PCDH7: variants seen among roughly 807,000 people sequenced by gnomAD.
PCDH7 encodes the protein protocadherin 7, also known as protocadherin-7.
Under a neutral mutation model 58.9 loss-of-function variants are expected in PCDH7, and 17 were observed. The ratio of observed to expected loss-of-function variants is 0.29; its 90% CI spans 0.20 to 0.43. PCDH7 has a LOEUF of 0.43. Among genes scored for constraint, PCDH7 ranks in the 20% least tolerant of loss-of-function variants. The probability of loss-of-function intolerance (pLI) is 1.00; values close to 1 mark genes in which losing one functional copy is unlikely to be tolerated. For synonymous variants in PCDH7, 664 were observed against 616.4 expected (o/e 1.08, Z -1.14); for missense variants, 1,274 against 1,441.0 (o/e 0.88, Z 1.88).
At chr4:31,042,516 G>A (rs571629220) in intron 3 of PCDH7, among the ~76,000 whole-genome samples, 6 of 152,122 alleles carry the variant, frequency 3.9e-5, no homozygotes, top group Admixed American at 6.6e-5. Flanking sequence ...TTTATGAATC[G>A]TTTATGCAGA....
At chr4:31,100,164 G>A (rs900607601) in intron 3 of PCDH7, among the ~76,000 whole-genome samples, 2 of 152,026 alleles carry the variant, frequency 1.3e-5, no homozygotes, top group African/African-American at 2.4e-5. Flanking sequence ...CTCAAGAAAG[G>A]TCTCAAAAAG....
intron 3 of PCDH7, among the ~76,000 whole-genome samples, chr4:31,094,083 A>G (rs748880084): frequency 1.3e-5 from 2 of 152,174 alleles, no homozygotes; most frequent in Non-Finnish European, 1.5e-5. Flanking sequence ...AATACTGATC[A>G]TAACACTTGC....
intron 1 of PCDH7, among the ~76,000 whole-genome samples, chr4:30,871,938 A>G (rs1456807696): frequency 1.3e-5 from 2 of 151,914 alleles, no homozygotes; most frequent in Admixed American, 6.6e-5. Context: ...CTCTCTTTGC[A>G]TTTTTGTCCT....
intron 1 of PCDH7, among the ~76,000 whole-genome samples, chr4:30,800,980 G>A (rs1471021240): frequency 2.0e-5 from 3 of 152,190 alleles, no homozygotes; most frequent in Non-Finnish European, 4.4e-5. Flanking sequence ...ATAGAGTGGA[G>A]GGCAGTTTAT....
At chr4:30,814,658 T>A (rs571971951) in intron 1 of PCDH7, among the ~76,000 whole-genome samples, 1 of 152,120 alleles carries the variant, frequency 6.6e-6, no homozygotes, top group South Asian at 2.1e-4. Flanking sequence ...CACTTAATAA[T>A]TGCTACAAAG....
rs572998419 is a variant in PCDH7 at position 30,739,085 on chromosome 4, T to C, written c.70+14489T>C. 8.4e-5 allele frequency among the ~76,000 whole-genome samples: 12 copies of C among 143,020 alleles called. No individual in the cohort carries two copies. The South Asian group carries it at 2.6e-3, about 31-fold the overall frequency. The allele number at this position is 143,020 out of a possible 152,430, so 93.8% of individuals were successfully genotyped here. ...AAAATAAAATAAAAATTTCCCATGA[T>C]AAAATTAATAATGAGCAACCTGGAA... On this transcript the variant is annotated intron_variant, in intron 1 of 3. Coordinates refer to the PCDH7 transcript ENST00000509759.
intron 3 of PCDH7, among the ~76,000 whole-genome samples, chr4:31,032,200 T>C (rs1420481176): frequency 2.0e-5 from 3 of 152,222 alleles, no homozygotes; most frequent in Admixed American, 6.5e-5. Flanking sequence ...AATTATAGGA[T>C]TATATTTGTA....
At chr4:30,753,286 C>G (rs1480877917) in intron 1 of PCDH7, among the ~76,000 whole-genome samples, 1 of 152,128 alleles carries the variant, frequency 6.6e-6, no homozygotes, top group Non-Finnish European at 1.5e-5. Flanking sequence ...GAGAGATAAC[C>G]TTTACTACTT....
intron 1 of PCDH7, among the ~76,000 whole-genome samples, chr4:30,798,011 A>G (rs918414271): frequency 1.3e-5 from 2 of 152,210 alleles, no homozygotes; most frequent in Non-Finnish European, 2.9e-5. Context: ...CTCAGGATCT[A>G]CTATATTGCT....
At chr4:30,961,847 A>T (rs1748465466) in intron 3 of PCDH7, among the ~76,000 whole-genome samples, 1 of 152,200 alleles carries the variant, frequency 6.6e-6, no homozygotes, top group South Asian at 2.1e-4. Flanking sequence ...TGTAGCAAAT[A>T]TGGATAAATT....
chr4:31,127,386 T>C (rs1718434526), intron 3 of PCDH7, among the ~76,000 whole-genome samples: 2 of 152,212 alleles, frequency 1.3e-5, no homozygotes, highest in African/African-American at 4.8e-5. Flanking sequence ...TTTGACATTG[T>C]GACAGATTAA....
At chr4:30,781,435 C>G (rs994607093) in intron 1 of PCDH7, among the ~76,000 whole-genome samples, 1 of 151,482 alleles carries the variant, frequency 6.6e-6, no homozygotes, top group African/African-American at 2.4e-5. Context: ...CCACCGCACC[C>G]GGCCCCAAGG....
At chr4:30,942,126 C>A (rs1252178767) in intron 2 of PCDH7, among the ~76,000 whole-genome samples, 1 of 151,782 alleles carries the variant, frequency 6.6e-6, no homozygotes, top group African/African-American at 2.4e-5. Context: ...AGGACAGGGT[C>A]TTGCATATAG....
chr4:31,052,591 G>T (rs141666377), intron 3 of PCDH7, among the ~76,000 whole-genome samples: 73 of 152,166 alleles, frequency 4.8e-4, no homozygotes, highest in African/African-American at 1.7e-3. Flanking sequence ...AATAAAAATG[G>T]CTCTTTAAGA....
chr4:30,782,622 A>G (rs2109290550), intron 1 of PCDH7, among the ~76,000 whole-genome samples: 1 of 152,376 alleles, frequency 6.6e-6, no homozygotes, highest in African/African-American at 2.4e-5. Flanking sequence ...TAAGTTTTCC[A>G]TGACATGGGA....
chr4:31,090,172 G>A (rs1420411122), intron 3 of PCDH7, among the ~76,000 whole-genome samples: 2 of 151,950 alleles, frequency 1.3e-5, no homozygotes, highest in Non-Finnish European at 2.9e-5. Flanking sequence ...TGCCAAGTAG[G>A]CCTAATGAGA....
At chr4:31,022,261 T>A (rs2109171117) in intron 3 of PCDH7, among the ~76,000 whole-genome samples, 1 of 152,320 alleles carries the variant, frequency 6.6e-6, no homozygotes, top group East Asian at 1.9e-4. Flanking sequence ...CTAGGTTTAC[T>A]GATAAAGGTA....
At chr4:30,856,096 A>G (rs1231086163) in intron 1 of PCDH7, among the ~76,000 whole-genome samples, 1 of 152,050 alleles carries the variant, frequency 6.6e-6, no homozygotes. Context: ...AGTGAGTTCT[A>G]TGTCAGTTTT....
intron 3 of PCDH7, among the ~76,000 whole-genome samples, chr4:31,017,361 G>T (rs1444420805): frequency 6.6e-6 from 1 of 152,072 alleles, no homozygotes; most frequent in Non-Finnish European, 1.5e-5. Context: ...GGGCTATACT[G>T]TAAGCTCAAT....
Sources: allele counts gnomAD v4.1 joint callset (sites outside exome capture counted in the v4.1 genomes callset), GRCh38; gene constraint gnomAD v4.1.1; transcripts MANE v1.5; gene names NCBI Gene and HGNC (gene_info 2026-07-23, HGNC 2026-07-21).